Variants in USP34 observed in about 807,000 individuals in gnomAD.
USP34 encodes the protein ubiquitin specific peptidase 34.
A neutral mutation model predicts 460.3 loss-of-function variants in USP34; 70 were observed. That is an observed-to-expected ratio of 0.15 (90% CI 0.13 to 0.19). The LOEUF (loss-of-function observed/expected upper bound fraction) is 0.19, where lower values mean the gene tolerates loss of function less well. Among genes scored for constraint, USP34 ranks in the 10% least tolerant of loss-of-function variants. The probability of loss-of-function intolerance (pLI) is 1.00; values close to 1 mark genes in which losing one functional copy is unlikely to be tolerated. For missense variants in USP34, 3,985 were observed against 4,236.2 expected (o/e 0.94, Z 1.65); for synonymous variants, 1,647 against 1,405.3 (o/e 1.17, Z -3.85).
intron 41 of USP34, among the ~76,000 whole-genome samples, chr2:61,268,434 TTG>T (rs1558500857): frequency 3.2e-5 from 3 of 94,372 alleles, no homozygotes; most frequent in Admixed American, 1.2e-4. Flanking sequence ...GCAAGAGCTG[TTG>T]TTAAAAAAAA....
In USP34 at chr2:61,336,095, T is replaced by C. The variant is rs190003315; in HGVS notation, c.2745-2124A>G. On this transcript the variant is annotated intron_variant, in intron 18 of 79. Transcript: ENST00000398571. ...TTAACGTGAAATGCCATATATAATA[T>C]AGTCTCTAGGGAAGCAAAACAAATT... 9.3e-4 allele frequency among the ~76,000 whole-genome samples: 142 copies of C among 152,120 alleles called. 1 individual carries two copies. Among genetic ancestry groups the C allele is most frequent in the Non-Finnish European group, 1.5e-3 (105 of 68,002 alleles).
chr2:61,329,411 A>G (rs1691194063), intron 20 of USP34, among the ~76,000 whole-genome samples: 1 of 152,212 alleles, frequency 6.6e-6, no homozygotes, highest in African/African-American at 2.4e-5. Flanking sequence ...ATAGGAAAAA[A>G]GAAGGATACT....
chr2:61,350,730 T>C (rs756628697), intron 10 of USP34, 37 bp from the exon 11 acceptor site: 18 of 1,597,972 alleles, frequency 1.1e-5, no homozygotes, highest in African/African-American at 6.7e-5. Flanking sequence ...TCAAAAATAA[T>C]TGCCCAATAC....
intron 1 of USP34, among the ~76,000 whole-genome samples, chr2:61,428,153 A>G (rs1330001046): frequency 6.7e-6 from 1 of 149,492 alleles, no homozygotes; most frequent in African/African-American, 2.4e-5. Flanking sequence ...CAACAAGAGC[A>G]AAACTCCGTC....
At position 61,275,176 on chromosome 2, in the gene USP34, G is replaced by A. The variant is rs570693793; in HGVS notation, c.5433+2989C>T. On this transcript the variant is annotated intron_variant, in intron 41 of 79. Transcript: ENST00000398571. ...TGCCTGTAGTCCCAGCTGCTTGGGA[G>A]GCTGAGGTGGGAGGACTGCTTGAGC... is the stretch of plus-strand genomic sequence containing the variant. Among the ~76,000 whole-genome samples the A allele has an allele frequency of 5.3e-5, 8 of 152,254 alleles. No individual in the cohort carries two copies. In the South Asian group the frequency reaches 1.5e-3, roughly 28 times the overall value.
chr2:61,298,848 A>G (rs1690130807), intron 29 of USP34, among the ~76,000 whole-genome samples: 1 of 152,082 alleles, frequency 6.6e-6, no homozygotes, highest in Non-Finnish European at 1.5e-5. Flanking sequence ...CTAGTATTTA[A>G]ATTACACTAT....
chr2:61,369,336 A>G (rs1410307243), intron 10 of USP34, among the ~76,000 whole-genome samples: 1 of 152,164 alleles, frequency 6.6e-6, no homozygotes, highest in Non-Finnish European at 1.5e-5. Context: ...TTATTACAGC[A>G]TTGTTTGTAA....
At chr2:61,369,963 C>A (rs1455626544) in intron 10 of USP34, among the ~76,000 whole-genome samples, 16 of 135,438 alleles carry the variant, frequency 1.2e-4, no homozygotes, top group African/African-American at 3.6e-4. Context: ...AATTTTGAAT[C>A]ATGTGGATAT....
chr2:61,257,273 C>T lies in USP34; in HGVS notation c.5922G>A (p.Gly1974=), dbSNP rs199729668. Residue 1974 remains glycine, a synonymous_variant, in exon 45 of 80, where the codon GGG becomes GGA. Transcript: ENST00000398571. ...YTMDKQPLNT[G]EQKDMTEFFT... ...AAAACTCTGTCATATCTTTCTGTTC[C>T]CCAGTATTCAGAGGCTGCTTATCCA... 8.4e-5 allele frequency: 136 copies of T among 1,612,870 alleles called. No homozygotes were observed. Among genetic ancestry groups the T allele is most frequent in the Middle Eastern group, 8.3e-4 (5 of 6,050 alleles).
intron 29 of USP34, 116 bp downstream of exon 29, chr2:61,300,835 A>AT: frequency 3.0e-6 from 2 of 669,474 alleles, no homozygotes; most frequent in Non-Finnish European, 4.4e-6. Context: ...AAAAAAAAAA[A>AT]GGAGAGAAAA....
intron 27 of USP34, among the ~76,000 whole-genome samples, chr2:61,304,799 A>G (rs1690349503): frequency 6.6e-6 from 1 of 152,216 alleles, no homozygotes; most frequent in Non-Finnish European, 1.5e-5. Flanking sequence ...TTATGGCTGA[A>G]CTGGATTTTA....
At chr2:61,444,835 A>G (rs1057346493) in intron 1 of USP34, among the ~76,000 whole-genome samples, 1 of 150,980 alleles carries the variant, frequency 6.6e-6, no homozygotes, top group African/African-American at 2.4e-5. Context: ...TTGGCTTTGG[A>G]GCACCCCCTC....
chr2:61,434,013 A>C (rs1437925906), intron 1 of USP34, among the ~76,000 whole-genome samples: 1 of 152,194 alleles, frequency 6.6e-6, no homozygotes, highest in Non-Finnish European at 1.5e-5. Flanking sequence ...ACAGTCTGAC[A>C]GTCCCATCCA....
Position 61,319,247 on chromosome 2 carries a change from A to C in USP34, c.3094T>G (p.Phe1032Val). 6.3e-7 allele frequency: 1 copy of C among 1,593,576 alleles called. No homozygotes were observed. Among genetic ancestry groups the C allele is most frequent in the Non-Finnish European group, 8.5e-7 (1 of 1,173,854 alleles). The change falls in exon 22 of 80, where the codon TTT (phenylalanine) becomes GTT (valine). Residue 1032 changes from phenylalanine to valine, a missense_variant. Physicochemically the swap from Phe to Val is conservative, Grantham distance 50. Around this residue, in one of 14 missense-constraint regions of USP34, gnomAD observed 1,114 missense variants for 1,122.5 expected, o/e 0.99. Transcript: ENST00000398571. ...SECYDDALHW[F>V]LNQVRSKDQH... The stretch of plus-strand genomic sequence containing the variant: ...TCTTTACTTCGAACTTGATTTAAAA[A>C]CCAATGGAGTGCATCATCATAACAT...
Position 61,188,152 on chromosome 2 carries a change from T to C in USP34, c.10591A>G (p.Ile3531Val), listed in dbSNP as rs1558454376. The C allele has an allele frequency of 9.3e-6, 15 of 1,613,996 alleles. No homozygotes were observed. The highest frequency in any genetic ancestry group is 1.2e-5 in the Non-Finnish European group (14 of 1,180,026). ...DTLCRTIEST[I>V]HVVTRISGKG... is the part of the protein sequence containing the mutation. ...CCAGATATCCTTGTGACGACATGGA[T>C]TGTAGATTCAATGGTCCTACACAGG... Residue 3531 changes from isoleucine to valine, a missense_variant, in exon 80 of 80, where the codon ATC (isoleucine) becomes GTC (valine). Ile to Val is a conservative substitution (Grantham distance 29, BLOSUM62 3). Transcript: ENST00000398571.
intron 18 of USP34, among the ~76,000 whole-genome samples, chr2:61,335,897 T>C (rs1003898285): frequency 6.6e-6 from 1 of 152,242 alleles, no homozygotes; most frequent in Non-Finnish European, 1.5e-5. Flanking sequence ...AACAGTGTGG[T>C]AGTCCTGTAA....
chr2:61,331,902 A>G (rs751366199), intron 19 of USP34, among the ~76,000 whole-genome samples: 10 of 152,070 alleles, frequency 6.6e-5, no homozygotes, highest in Admixed American at 1.3e-4. Flanking sequence ...CATAACTTCC[A>G]TAATTAACAT....
chr2:61,311,477 A>AGAAAAAGAAAAAAAAGAGAAC, intron 27 of USP34, 63 bp downstream of exon 27: 1 of 1,487,974 alleles, frequency 6.7e-7, no homozygotes, highest in Non-Finnish European at 9.0e-7. Context: ...GAAAAGAGAA[A>AGAAAAAGAAAAAAAAGAGAAC]GAGAAAGAGA....
intron 1 of USP34, among the ~76,000 whole-genome samples, chr2:61,426,422 G>C (rs1694512879): frequency 6.6e-6 from 1 of 152,136 alleles, no homozygotes; most frequent in Non-Finnish European, 1.5e-5. Flanking sequence ...TGACTTCAGA[G>C]ACACTGGGCC....
Sources: allele counts gnomAD v4.1 joint callset (sites outside exome capture counted in the v4.1 genomes callset), GRCh38; gene constraint gnomAD v4.1.1; regional missense constraint gnomAD v4.1.1; transcripts MANE v1.5; gene names NCBI Gene and HGNC (gene_info 2026-07-23, HGNC 2026-07-21).